Variants in SHTN1 observed in about 807,000 individuals in gnomAD.
SHTN1 encodes shootin 1.
In SHTN1, 42 loss-of-function variants were observed where a neutral mutation model predicts 83.1. The observed-to-expected ratio is 0.51, with a 90% confidence interval of 0.39 to 0.65. The LOEUF is 0.65. SHTN1 is among the 30% of genes least tolerant of loss of function. The probability of loss-of-function intolerance (pLI) is 0.00; values close to 1 mark genes in which losing one functional copy is unlikely to be tolerated. For missense variants in SHTN1, 622 were observed against 737.8 expected (o/e 0.84, Z 1.82); for synonymous variants, 224 against 247.7 (o/e 0.90, Z 0.90).
chr10:117,033,544 C>G (rs1852451116), intron 2 of SHTN1, among the ~76,000 whole-genome samples: 1 of 152,120 alleles, frequency 6.6e-6, no homozygotes, highest in Non-Finnish European at 1.5e-5. Context: ...AATAAAAGGT[C>G]TCCCAGTAAA....
upstream of SHTN1, among the ~76,000 whole-genome samples, chr10:117,007,011 A>G (rs957312123): frequency 1.3e-5 from 2 of 152,116 alleles, no homozygotes; most frequent in Middle Eastern, 3.2e-3. Flanking sequence ...AGGGCAGCAT[A>G]GTATTTTTTA....
intron 1 of SHTN1, among the ~76,000 whole-genome samples, chr10:117,105,929 G>T (rs766945910): frequency 1.3e-5 from 2 of 151,664 alleles, no homozygotes; most frequent in Non-Finnish European, 2.9e-5. Context: ...TGGGAGGATC[G>T]CTTGAGCCTG....
intron 1 of SHTN1, among the ~76,000 whole-genome samples, chr10:116,991,553 G>A (rs1437876962): frequency 6.6e-6 from 1 of 152,078 alleles, no homozygotes; most frequent in South Asian, 2.1e-4. Flanking sequence ...TAGCTCTCAG[G>A]GGAACTCTCA....
rs180809230 is a variant in SHTN1 at position 117,112,488 on chromosome 10, C to T, written c.-189+13819G>A. ...CTGGAATGTTATTAAGACCTTACAA[C>T]GCTTTAAAATTTACAAATACATTAC... On this transcript the variant is annotated intron_variant, in intron 1 of 17. Transcript: ENST00000392901. 5.2e-3 allele frequency among the ~76,000 whole-genome samples: 794 copies of T among 152,270 alleles called. 12 individuals carry two copies. The highest frequency in any genetic ancestry group is 0.018 in the African/African-American group (746 of 41,552).
chr10:116,969,804 A>G (rs1207501700), intron 2 of SHTN1, among the ~76,000 whole-genome samples: 1 of 152,202 alleles, frequency 6.6e-6, no homozygotes, highest in Non-Finnish European at 1.5e-5. Flanking sequence ...ATAAGGACTG[A>G]ATTCAGTATA....
At chr10:116,968,787 C>T (rs1850491889) in intron 2 of SHTN1, 75 bp from the exon 3 acceptor site, 1 of 1,132,188 alleles carries the variant, frequency 8.8e-7, no homozygotes, top group Non-Finnish European at 1.3e-6. Flanking sequence ...CAAGAGCAAA[C>T]TTATAAACAA....
upstream of SHTN1, among the ~76,000 whole-genome samples, chr10:117,008,500 GAAT>G (rs1852053990): frequency 6.6e-6 from 1 of 152,042 alleles, no homozygotes. Context: ...GGCAATATTG[GAAT>G]ATTATTTGGT....
intron 2 of SHTN1, among the ~76,000 whole-genome samples, chr10:117,040,538 A>T (rs1007224889): frequency 2.6e-4 from 40 of 152,240 alleles, no homozygotes; most frequent in Admixed American, 6.5e-5. Flanking sequence ...TGGTCCAGTA[A>T]TTATACCAAA....
intron 2 of SHTN1, chr10:117,048,308 C>T (rs1472063974): frequency 5.4e-6 from 1 of 184,932 alleles, no homozygotes; most frequent in Non-Finnish European, 1.0e-5. Context: ...TATTGTTGTC[C>T]TATTCTGACA....
chr10:117,065,890 G>A (rs1459596796), intron 1 of SHTN1, among the ~76,000 whole-genome samples: 1 of 109,376 alleles, frequency 9.1e-6, no homozygotes, highest in Non-Finnish European at 1.9e-5. Flanking sequence ...GGTGGGGAGG[G>A]GAAGGGAGGG....
chr10:116,953,637 T>TTG (rs1849867376), intron 5 of SHTN1, among the ~76,000 whole-genome samples: 1 of 143,628 alleles, frequency 7.0e-6, no homozygotes, highest in East Asian at 2.0e-4. Context: ...TTTTTTTTTT[T>TTG]TTTTTTTTGA....
chr10:117,018,867 G>A (rs1052600841), intron 2 of SHTN1, among the ~76,000 whole-genome samples: 5 of 151,812 alleles, frequency 3.3e-5, no homozygotes, highest in African/African-American at 4.8e-5. Flanking sequence ...CACTGCGCCT[G>A]GCCTGCACTC....
intron 7 of SHTN1, among the ~76,000 whole-genome samples, chr10:116,945,558 G>T (rs1188062149): frequency 6.6e-6 from 1 of 151,952 alleles, no homozygotes. Flanking sequence ...ATATACAAAA[G>T]GCCAATAAAC....
chr10:116,938,363 T>G lies in SHTN1; in HGVS notation c.858+2103A>C, dbSNP rs375534636. On this transcript the variant is annotated intron_variant, in intron 9 of 16. Transcript: ENST00000355371. ...GATGGGGTTTTTGCATGGATGTCCTTTTGTTGATGTTGATGTATTCCTTTC... is the reference window on the plus strand; with the variant it reads ...GATGGGGTTTTTGCATGGATGTCCTGTTGTTGATGTTGATGTATTCCTTTC... Among the ~76,000 whole-genome samples, 8 of 152,120 alleles carry G rather than the reference T, an allele frequency of 5.3e-5. No individual in the cohort carries two copies. The East Asian group carries it at 9.7e-4, about 18-fold the overall frequency.
At chr10:117,123,086 T>A (rs1376327181) in intron 1 of SHTN1, among the ~76,000 whole-genome samples, 1 of 151,950 alleles carries the variant, frequency 6.6e-6, no homozygotes, top group Non-Finnish European at 1.5e-5. Context: ...CACTGCAACC[T>A]CTGCCTCCCG....
At chr10:117,016,435 C>CG (rs2061557077) in intron 2 of SHTN1, among the ~76,000 whole-genome samples, 1 of 152,174 alleles carries the variant, frequency 6.6e-6, no homozygotes. Context: ...GAGACTGAGT[C>CG]TCGCTCTGTC....
chr10:117,063,654 T>C (rs1259921666), intron 1 of SHTN1, among the ~76,000 whole-genome samples: 1 of 152,168 alleles, frequency 6.6e-6, no homozygotes, highest in Non-Finnish European at 1.5e-5. Flanking sequence ...ATTAAGATCC[T>C]ACATGATCTT....
At chr10:116,904,359 T>C (rs368107683) in intron 15 of SHTN1, among the ~76,000 whole-genome samples, 3 of 152,144 alleles carry the variant, frequency 2.0e-5, no homozygotes, top group East Asian at 3.8e-4. Context: ...AGTTTGATAA[T>C]AGAAAAATGT....
chr10:117,072,542 T>C (rs190842369), intron 1 of SHTN1, among the ~76,000 whole-genome samples: 1 of 152,310 alleles, frequency 6.6e-6, no homozygotes, highest in East Asian at 1.9e-4. Flanking sequence ...CACAGGACTC[T>C]GTGCAGACAA....
Sources: gnomAD v4.1 joint callset for allele counts (sites outside exome capture counted in the v4.1 genomes callset) on GRCh38, gnomAD v4.1.1 for gene constraint, MANE v1.5 for transcripts, NCBI Gene and HGNC (gene_info 2026-07-23, HGNC 2026-07-21) for gene names.